The following SAMD10 variants were observed in gnomAD, a reference collection of about 807,000 sequenced individuals.
The protein encoded by SAMD10 is sterile alpha motif domain containing 10.
Under a neutral mutation model 22.5 loss-of-function variants are expected in SAMD10, and 16 were observed. That is an observed-to-expected ratio of 0.71 (90% confidence interval 0.48 to 1.08). The LOEUF (loss-of-function observed/expected upper bound fraction) is 1.08. SAMD10 is among the 50% of genes least tolerant of loss of function. SAMD10 has a pLI of 0.00. For synonymous variants in SAMD10, 118 were observed against 122.2 expected (o/e 0.97, Z 0.23); for missense variants, 227 against 281.3 (o/e 0.81, Z 1.38).
In SAMD10 at chr20:63,975,285, G is replaced by C; in HGVS notation, c.*225C>G. On this transcript the variant is annotated 3_prime_UTR_variant, in exon 5 of 5. Transcript: ENST00000369886. ...TTGGGCTCAGGTCCCAGGAGGTGGG[G>C]CCACACTCAAGCAGCCCCCTACCCA... 3.6e-6 allele frequency: 2 copies of C among 559,490 alleles called. 1 individual carries two copies. Among genetic ancestry groups the C allele is most frequent in the South Asian group, 4.5e-5 (2 of 44,438 alleles). The allele number at this position is 559,490 out of a possible 1,614,324, so 34.7% of individuals were successfully genotyped here.
chr20:63,976,654 CG>C (rs1215434705), intron 3 of SAMD10, among the ~76,000 whole-genome samples: 2 of 148,328 alleles, frequency 1.3e-5, no homozygotes, highest in African/African-American at 2.5e-5. Context: ...CCCAGGTACT[CG>C]GGAGGCTGAG....
Position 63,977,392 on chromosome 20 carries a change from T to G in SAMD10, c.106A>C (p.Ser36Arg). ...RRDVDATAHF[S>R]FCRTLLEHTV... ...TGCTCCAGGAGGGTCCGGCAGAAGC[T>G]GAAGTGGGCAGTGGCTGTGTGTGGG... is the stretch of plus-strand genomic sequence containing the variant. Residue 36 changes from serine (S) to arginine (R), a missense_variant, in exon 2 of 5, where the codon AGC (serine) becomes CGC (arginine). By Grantham distance (110) the Ser-to-Arg change is moderately radical. Transcript: ENST00000369886. This position sits in a 1 kb window ranked among gnomAD's most constrained non-coding sequence, Gnocchi z 5.4. The G allele has an allele frequency of 1.2e-6, 2 of 1,612,904 alleles. No individual in the cohort carries two copies. Among genetic ancestry groups the G allele is most frequent in the South Asian group, 2.2e-5 (2 of 91,010 alleles).
chr20:63,975,731 C>A lies in SAMD10; in HGVS notation c.547G>T (p.Val183Leu), dbSNP rs754486471. ...TGCAGGCTCCGCCCCTCCTCACGCA[C>A]CTGCAGGCGGAGCACCTGCTGCAGC... ...EVLQQVLRLQVREEGRSLQLL... is the reference protein window; with the variant it reads ...EVLQQVLRLQLREEGRSLQLL... The change falls in exon 4 of 5, where the codon GTG becomes TTG. Residue 183 changes from valine to leucine, a missense_variant. By Grantham distance (32) the Val-to-Leu change is conservative. Transcript: ENST00000369886. 1 of 1,606,682 alleles carries A rather than the reference C, an allele frequency of 6.2e-7. No homozygotes were observed. Among genetic ancestry groups the A allele is most frequent in the Non-Finnish European group, 8.5e-7 (1 of 1,179,258 alleles).
chr20:63,979,329 G>A lies in SAMD10; in HGVS notation c.91+48C>T. On this transcript the variant is annotated intron_variant, in intron 1 of 4. Transcript: ENST00000369886. This position sits in a 1 kb window ranked among gnomAD's most constrained non-coding sequence, Gnocchi z 7.7. ...CCCGCCCCCGTGCCTCTGGGTCCCT[G>A]AGACCCCCGCCCGAGAAATCCCCGC... 3.7e-6 allele frequency: 5 copies of A among 1,339,488 alleles called. No individual in the cohort carries two copies. Among genetic ancestry groups the A allele is most frequent in the Non-Finnish European group, 4.9e-6 (5 of 1,019,078 alleles). 83.0% of individuals were successfully genotyped at this position (1,339,488 alleles called of 1,614,324 possible).
chr20:63,979,851 T>A, upstream of SAMD10: 1 of 207,372 alleles, frequency 4.8e-6, no homozygotes, highest in South Asian at 1.7e-4. The surrounding 1 kb of genome is among the most constrained non-coding windows in gnomAD (Gnocchi z 7.7). Flanking sequence ...GTCTTCTACC[T>A]ACCGGGGCCA....
Position 63,975,446 on chromosome 20 carries a change from G to T in SAMD10, c.*64C>A. 1 of 1,604,026 alleles carries T rather than the reference G, an allele frequency of 6.2e-7. No homozygotes were observed. ...CAAGAGGCGCTGCGGGGCCAGCTTG[G>T]CCTCCTCCCTAGCCGTGGACTCCCA... On this transcript the variant is annotated 3_prime_UTR_variant, in exon 5 of 5. Coordinates refer to ENST00000369886, the MANE Select transcript of SAMD10 (RefSeq NM_080621.5).
At position 63,977,252 on chromosome 20, in the gene SAMD10, C is replaced by T; in HGVS notation, c.246G>A (p.Leu82=). ...RAASSRPIKL[L]QQPGTDTPQG... ...GGGGGGTGTCTGTGCCGGGCTGCTG[C>T]AGGAGCTTGATTGGCCTGCTGCTGG... The change falls in exon 2 of 5, where the codon CTG becomes CTA. Residue 82 remains leucine (L), a synonymous_variant. Transcript: ENST00000369886. The surrounding 1 kb of genome is among the most constrained non-coding windows in gnomAD (Gnocchi z 5.4). 6.2e-7 allele frequency: 1 copy of T among 1,613,464 alleles called. No individual in the cohort carries two copies. Among genetic ancestry groups the T allele is most frequent in the East Asian group, 2.2e-5 (1 of 44,886 alleles).
intron 1 of SAMD10, chr20:63,978,465 A>C: frequency 2.5e-6 from 1 of 399,222 alleles, no homozygotes; most frequent in Non-Finnish European, 4.8e-6. Flanking sequence ...TAGGGCCCTC[A>C]TCCCATCCAC....
intron 3 of SAMD10, among the ~76,000 whole-genome samples, chr20:63,976,283 C>CG (rs1569205911): frequency 1.3e-5 from 2 of 151,196 alleles, no homozygotes; most frequent in East Asian, 3.9e-4. Flanking sequence ...CAGAGAGACT[C>CG]GGAGAGAGGG....
At position 63,976,952 on chromosome 20, in the gene SAMD10, A is replaced by G. The variant is rs1370569092; in HGVS notation, c.445+19T>C. ...GGCAGGTTAGCCCCACTCCCACAGC[A>G]CCCTCAGCGCCACTGTACCGGTGAT... On this transcript the variant is annotated intron_variant, in intron 3 of 4. Transcript: ENST00000369886. 1 of 1,613,070 alleles carries G rather than the reference A, an allele frequency of 6.2e-7. No homozygotes were observed. Among genetic ancestry groups the G allele is most frequent in the Admixed American group, 1.7e-5 (1 of 59,990 alleles).
intron 1 of SAMD10, chr20:63,978,396 C>G (rs1569207116): frequency 2.1e-6 from 2 of 958,396 alleles, no homozygotes; most frequent in Admixed American, 4.7e-5. Context: ...CAGGCCTGCC[C>G]CTGTCTTTAC....
chr20:63,977,301 T>A lies in SAMD10; in HGVS notation c.197A>T (p.His66Leu), dbSNP rs766812486. Residue 66 changes from histidine to leucine, a missense_variant, in exon 2 of 5, where the codon CAT becomes CTT. His to Leu is a moderately conservative substitution (Grantham distance 99, BLOSUM62 -3). Coordinates refer to ENST00000369886, the MANE Select transcript of SAMD10 (RefSeq NM_080621.5). This position sits in a 1 kb window ranked among gnomAD's most constrained non-coding sequence, Gnocchi z 5.4. ...GGCCGCCCTCTGGCTGCGGGAGTCA[T>A]GCCACGTGAGGCTGGTGCCAGGTGT... ...PRTPGTSLTW[H>L]DSRSQRAASS... 1.2e-6 allele frequency: 2 copies of A among 1,613,476 alleles called. No individual in the cohort carries two copies. Among genetic ancestry groups the A allele is most frequent in the South Asian group, 2.2e-5 (2 of 91,052 alleles).
chr20:63,976,908 TG>T, intron 3 of SAMD10, 62 bp downstream of exon 3: 1 of 1,530,394 alleles, frequency 6.5e-7, no homozygotes, highest in East Asian at 2.3e-5. Context: ...AGGCTGAGTG[TG>T]GGGAAGAGAC....
At chr20:63,976,318 C>G (rs2059022064) in intron 3 of SAMD10, among the ~76,000 whole-genome samples, 1 of 151,784 alleles carries the variant, frequency 6.6e-6, no homozygotes, top group South Asian at 2.1e-4. Flanking sequence ...AAGCGAGGTT[C>G]AGAGAGACTC....
In SAMD10 at chr20:63,975,393, C is replaced by G. The variant is rs1601497001; in HGVS notation, c.*117G>C. ...TGGTCCTGTCTGTCCGTTGGGCCAGCCTGGCCGCCCCGGCATCCCGCAGGG... is the reference window on the plus strand; with the variant it reads ...TGGTCCTGTCTGTCCGTTGGGCCAGGCTGGCCGCCCCGGCATCCCGCAGGG... On this transcript the variant is annotated 3_prime_UTR_variant, in exon 5 of 5. Coordinates refer to ENST00000369886, the MANE Select transcript of SAMD10 (RefSeq NM_080621.5). 14 of 1,331,784 alleles carry G rather than the reference C, an allele frequency of 1.1e-5. No homozygotes were observed. In the South Asian group the frequency reaches 1.6e-4, roughly 15 times the overall value. 82.5% of individuals were successfully genotyped at this position (1,331,784 alleles called of 1,614,324 possible).
chr20:63,979,438 G>C lies in SAMD10; in HGVS notation c.30C>G (p.Ser10Arg), dbSNP rs1344107369. 1 of 1,471,572 alleles carries C rather than the reference G, an allele frequency of 6.8e-7. No homozygotes were observed. The highest frequency in any genetic ancestry group is 2.4e-5 in the Admixed American group (1 of 42,092). The allele number at this position is 1,471,572 out of a possible 1,614,324, so 91.2% of individuals were successfully genotyped here. The change falls in exon 1 of 5, where the codon AGC (serine) becomes AGG (arginine). Residue 10 changes from serine to arginine, a missense_variant. Physicochemically the swap from Ser to Arg is moderately radical, Grantham distance 110. Coordinates refer to ENST00000369886, the MANE Select transcript of SAMD10 (RefSeq NM_080621.5). The surrounding 1 kb of genome is among the most constrained non-coding windows in gnomAD (Gnocchi z 7.7). ...CGGCCCCGGCGCGGCCACGCGGGGG[G>C]CTCAGCTTGGACCTCAGCTCGGTGA... MFTELRSKL[S>R]PPRGRAGAVR...
At chr20:63,979,698 A>G (rs1214711398), upstream of SAMD10, 1 of 985,006 alleles carries the variant, frequency 1.0e-6, no homozygotes, top group African/African-American at 1.7e-5. This position sits in a 1 kb window ranked among gnomAD's most constrained non-coding sequence, Gnocchi z 7.7. Flanking sequence ...GCCTGCGTGC[A>G]CCAAGGCTGT....
chr20:63,978,391 C>T, intron 1 of SAMD10: 1 of 1,017,258 alleles, frequency 9.8e-7, no homozygotes, highest in Non-Finnish European at 1.4e-6. Flanking sequence ...GGGCACAGGC[C>T]TGCCCCTGTC....
rs1022677454 is a variant in SAMD10 at position 63,979,155 on chromosome 20, C to T, written c.91+222G>A. ...TGGACACAGGCGCCCCGGCTTGACA[C>T]CCCCTCACCCCAAGCCAAGGGCGCG... On this transcript the variant is annotated intron_variant, in intron 1 of 4. Transcript: ENST00000369886. This position sits in a 1 kb window ranked among gnomAD's most constrained non-coding sequence, Gnocchi z 7.7. Among the ~76,000 whole-genome samples the T allele has an allele frequency of 4.6e-5, 7 of 152,244 alleles. 1 individual carries two copies. The highest frequency in any genetic ancestry group is 1.7e-4 in the African/African-American group (7 of 41,550).
Sources: gnomAD v4.1 joint callset for allele counts (sites outside exome capture counted in the v4.1 genomes callset) on GRCh38, gnomAD v4.1.1 for gene constraint, Gnocchi (gnomAD v3.1) non-coding constraint, MANE v1.5 for transcripts, NCBI Gene and HGNC (gene_info 2026-07-23, HGNC 2026-07-21) for gene names.